Variants in RBFOX1 observed in about 807,000 individuals in gnomAD.
The protein encoded by RBFOX1 is RNA binding fox-1 homolog 1.
Under a neutral mutation model 57.7 loss-of-function variants are expected in RBFOX1, and 8 were observed. The ratio of observed to expected loss-of-function variants is 0.14; its 90% CI spans 0.08 to 0.25. The LOEUF is 0.25. Ranked by LOEUF, RBFOX1 falls within the 10% of genes least tolerant of loss-of-function variation. RBFOX1 has a pLI of 1.00. For synonymous variants in RBFOX1, 326 were observed against 222.4 expected, an observed-to-expected ratio of 1.47 and a Z score of -4.15; for missense variants, 611 against 548.5, an observed-to-expected ratio of 1.11 and a Z score of -1.14.
At chr16:5,517,568 G>C (rs1252207143) in intron 2 of RBFOX1, among the ~76,000 whole-genome samples, 1 of 152,132 alleles carries the variant, frequency 6.6e-6, no homozygotes, top group Non-Finnish European at 1.5e-5. Flanking sequence ...CACTGTGAAT[G>C]GTGATTTTAT....
Position 7,710,750 on chromosome 16 carries a change from C to G in RBFOX1, c.*5C>G. The G allele has an allele frequency of 6.4e-7, 1 of 1,563,718 alleles. No homozygotes were observed. Among genetic ancestry groups the G allele is most frequent in the Non-Finnish European group, 8.6e-7 (1 of 1,159,796 alleles). ...AACCGTTTTGCTCCATACTAAATGA[C>G]AAAACCATAAAAACCTTCCAATGTG... On this transcript the variant is annotated 3_prime_UTR_variant, in exon 16 of 16. Coordinates refer to ENST00000550418, the MANE Select transcript of RBFOX1 (RefSeq NM_018723.4).
chr16:6,142,515 C>CT (rs2096726956), intron 1 of RBFOX1, among the ~76,000 whole-genome samples: 1 of 151,898 alleles, frequency 6.6e-6, no homozygotes, highest in African/African-American at 2.4e-5. Flanking sequence ...GCCACCATGC[C>CT]TGGCCAAAAA....
intron 2 of RBFOX1, among the ~76,000 whole-genome samples, chr16:6,532,096 C>T (rs1323236799): frequency 6.6e-6 from 1 of 152,158 alleles, no homozygotes; most frequent in South Asian, 2.1e-4. Flanking sequence ...CCCAGAAGAG[C>T]ACATCCCATT....
chr16:6,820,173 G>C (rs1040209873), intron 3 of RBFOX1, among the ~76,000 whole-genome samples: 1 of 152,122 alleles, frequency 6.6e-6, no homozygotes, highest in African/African-American at 2.4e-5. Flanking sequence ...ACATACCTTT[G>C]CTTCTCCTTC....
chr16:6,986,012 G>T (rs1196809598), intron 3 of RBFOX1, among the ~76,000 whole-genome samples: 1 of 150,950 alleles, frequency 6.6e-6, no homozygotes, highest in African/African-American at 2.4e-5. Context: ...AAAACATCTT[G>T]CAGAAACTCA....
chr16:6,949,086 C>G (rs897681692), intron 3 of RBFOX1, among the ~76,000 whole-genome samples: 1 of 152,158 alleles, frequency 6.6e-6, no homozygotes, highest in Non-Finnish European at 1.5e-5. Context: ...GTCAAGGTTT[C>G]TTTATCCTCT....
intron 3 of RBFOX1, among the ~76,000 whole-genome samples, chr16:7,045,664 C>T (rs200546852): frequency 1.3e-4 from 15 of 117,448 alleles, no homozygotes; most frequent in Admixed American, 5.2e-4. Flanking sequence ...TTTTTTTTTT[C>T]AATAGAGCGA....
At position 6,268,885 on chromosome 16, in the gene RBFOX1, G is replaced by T. The variant is rs570713666; in HGVS notation, c.-126-48110G>T. On this transcript the variant is annotated intron_variant, in intron 1 of 15. Transcript: ENST00000550418. The stretch of plus-strand genomic sequence containing the variant: ...CAGTCTTCCCGCAGTATCAGTGGGG[G>T]ACTGGTTCCAGGACAGTCCAAAATC... 4.4e-4 allele frequency among the ~76,000 whole-genome samples: 67 copies of T among 152,236 alleles called. No individual in the cohort carries two copies. The Middle Eastern group carries it at 0.017, about 39-fold the overall frequency.
intron 1 of RBFOX1, among the ~76,000 whole-genome samples, chr16:6,210,361 C>CAAAAAAAAAA (rs3064933): frequency 2.4e-4 from 15 of 61,444 alleles, no homozygotes; most frequent in East Asian, 5.4e-4. Flanking sequence ...AAAAAAACAC[C>CAAAAAAAAAA]AAAAAAAAAA....
At chr16:6,068,698 T>C (rs747248723) in intron 1 of RBFOX1, among the ~76,000 whole-genome samples, 34 of 152,186 alleles carry the variant, frequency 2.2e-4, no homozygotes, top group Non-Finnish European at 4.3e-4. Context: ...TCAGATCTTA[T>C]AGATGAGAAG....
chr16:7,312,991 C>A (rs959372333), intron 4 of RBFOX1, among the ~76,000 whole-genome samples: 1 of 152,034 alleles, frequency 6.6e-6, no homozygotes, highest in Non-Finnish European at 1.5e-5. Context: ...ACCGGGGAAG[C>A]TGACACGTGC....
intron 1 of RBFOX1, among the ~76,000 whole-genome samples, chr16:5,339,470 G>GGTTTTTTTTTT (rs1567354925): frequency 4.6e-4 from 19 of 40,888 alleles, no homozygotes; most frequent in Admixed American, 9.3e-4. Flanking sequence ...CTTTTTCCGT[G>GGTTTTTTTTTT]TTTTTTTTTT....
intron 3 of RBFOX1, among the ~76,000 whole-genome samples, chr16:7,013,473 A>G (rs2093750896): frequency 6.6e-6 from 1 of 152,176 alleles, no homozygotes; most frequent in East Asian, 1.9e-4. Context: ...TAGCAGATGG[A>G]GTGAAGGCAT....
At chr16:6,794,746 C>G (rs1055659952) in intron 3 of RBFOX1, among the ~76,000 whole-genome samples, 2 of 152,130 alleles carry the variant, frequency 1.3e-5, no homozygotes, top group African/African-American at 4.8e-5. Context: ...ATTCTTCATA[C>G]AAATGTGTGG....
At chr16:6,414,603 A>C (rs1007435419) in intron 2 of RBFOX1, among the ~76,000 whole-genome samples, 2 of 152,196 alleles carry the variant, frequency 1.3e-5, no homozygotes, top group African/African-American at 4.8e-5. Flanking sequence ...CATTCGATTC[A>C]AGCTTATATC....
intron 1 of RBFOX1, among the ~76,000 whole-genome samples, chr16:5,454,585 C>G (rs1480634854): frequency 6.6e-6 from 1 of 152,138 alleles, no homozygotes; most frequent in African/African-American, 2.4e-5. Flanking sequence ...CTCCTTTGAG[C>G]AAGAGGGAAT....
intron 2 of RBFOX1, among the ~76,000 whole-genome samples, chr16:6,579,118 A>C (rs571620075): frequency 2.0e-5 from 3 of 152,110 alleles, no homozygotes; most frequent in Non-Finnish European, 2.9e-5. Flanking sequence ...GTTTTCTTCT[A>C]TTTTGGTTCT....
intron 4 of RBFOX1, among the ~76,000 whole-genome samples, chr16:7,355,964 G>A (rs1341571583): frequency 6.6e-6 from 1 of 152,222 alleles, no homozygotes; most frequent in East Asian, 1.9e-4. Context: ...CTTTCAGTGA[G>A]AGAGGGCATT....
chr16:5,750,276 A>G (rs966693843), intron 3 of RBFOX1, among the ~76,000 whole-genome samples: 2 of 152,212 alleles, frequency 1.3e-5, no homozygotes, highest in Non-Finnish European at 2.9e-5. Flanking sequence ...GTCTGCCCCT[A>G]CTGTGGGGGT....
Sources: allele counts gnomAD v4.1 joint callset (sites outside exome capture counted in the v4.1 genomes callset), GRCh38; gene constraint gnomAD v4.1.1; transcripts MANE v1.5; gene names NCBI Gene and HGNC (gene_info 2026-07-23, HGNC 2026-07-21).